Variants in ANTXR2 observed in about 807,000 individuals in gnomAD.
ANTXR2 encodes the protein ANTXR cell adhesion molecule 2.
A neutral mutation model predicts 73.7 loss-of-function variants in ANTXR2; 44 were observed. That is an observed-to-expected ratio of 0.60 (90% CI 0.47 to 0.77). ANTXR2 has a LOEUF of 0.77. ANTXR2 is among the 30% of genes least tolerant of loss of function. ANTXR2 has a pLI of 0.00. For synonymous variants in ANTXR2, 217 were observed against 205.9 expected, an observed-to-expected ratio of 1.05 and a Z score of -0.46; for missense variants, 604 against 592.5, an observed-to-expected ratio of 1.02 and a Z score of -0.20.
At chr4:79,957,288 T>C (rs990652945) in intron 16 of ANTXR2, among the ~76,000 whole-genome samples, 1 of 152,106 alleles carries the variant, frequency 6.6e-6, no homozygotes, top group African/African-American at 2.4e-5. Flanking sequence ...CCTTAATGCC[T>C]GCAGATTTTT....
chr4:79,963,317 T>C (rs145019193), intron 16 of ANTXR2, among the ~76,000 whole-genome samples: 1 of 152,162 alleles, frequency 6.6e-6, no homozygotes, highest in African/African-American at 2.4e-5. Context: ...ATCAGGATTC[T>C]CGGGTCCCTT....
At chr4:79,937,177 A>T (rs1728297599) in intron 16 of ANTXR2, among the ~76,000 whole-genome samples, 1 of 152,158 alleles carries the variant, frequency 6.6e-6, no homozygotes, top group Non-Finnish European at 1.5e-5. Context: ...CAGTAGCATT[A>T]AAAAAACCAG....
intron 16 of ANTXR2, among the ~76,000 whole-genome samples, chr4:79,918,446 T>C (rs545936968): frequency 6.7e-6 from 1 of 149,844 alleles, no homozygotes; most frequent in African/African-American, 2.4e-5. Context: ...AAAGCATAAC[T>C]CTTTCCCCTT....
intron 16 of ANTXR2, among the ~76,000 whole-genome samples, chr4:79,910,538 A>G (rs1727092456): frequency 6.6e-6 from 1 of 151,736 alleles, no homozygotes; most frequent in Non-Finnish European, 1.5e-5. Flanking sequence ...AAAAGAAAAA[A>G]AAAAAGAAAA....
intron 7 of ANTXR2, among the ~76,000 whole-genome samples, chr4:80,052,856 C>T (rs919812184): frequency 6.6e-6 from 1 of 151,502 alleles, no homozygotes; most frequent in Non-Finnish European, 1.5e-5. Flanking sequence ...ACAATGATAA[C>T]GATGTCATCT....
chr4:80,013,500 G>A (rs1172192546), intron 11 of ANTXR2, among the ~76,000 whole-genome samples: 1 of 152,176 alleles, frequency 6.6e-6, no homozygotes, highest in African/African-American at 2.4e-5. Flanking sequence ...TTTTAACAAG[G>A]ACTAACCAAT....
intron 12 of ANTXR2, among the ~76,000 whole-genome samples, chr4:79,986,878 G>A (rs1357673585): frequency 1.3e-5 from 2 of 152,182 alleles, no homozygotes; most frequent in East Asian, 3.9e-4. Flanking sequence ...GCTCAGGAGT[G>A]CTAAGCTGAG....
intron 16 of ANTXR2, among the ~76,000 whole-genome samples, chr4:79,924,457 C>G (rs2109949476): frequency 6.6e-6 from 1 of 152,120 alleles, no homozygotes; most frequent in South Asian, 2.1e-4. Flanking sequence ...CACCACTGCA[C>G]TACAGCCTGG....
intron 16 of ANTXR2, among the ~76,000 whole-genome samples, chr4:79,931,444 G>C (rs948637414): frequency 1.7e-5 from 2 of 116,880 alleles, no homozygotes; most frequent in Admixed American, 8.9e-5. Flanking sequence ...GGATTTCCTC[G>C]CTTCTTCTCT....
chr4:79,984,749 T>C (rs1358561062), intron 13 of ANTXR2, 70 bp downstream of exon 13: 1 of 1,324,032 alleles, frequency 7.6e-7, no homozygotes, highest in South Asian at 1.3e-5. Flanking sequence ...CAAAATTGAT[T>C]AAATTTGGGC....
Position 79,907,380 on chromosome 4 carries a change from A to G in ANTXR2, c.*49T>C. 2 of 1,571,412 alleles carry G rather than the reference A, an allele frequency of 1.3e-6. No individual in the cohort carries two copies. The highest frequency in any genetic ancestry group is 1.7e-6 in the Non-Finnish European group (2 of 1,144,712). On this transcript the variant is annotated 3_prime_UTR_variant, in exon 17 of 17. Coordinates refer to ENST00000403729, the MANE Select transcript of ANTXR2 (RefSeq NM_058172.6). ...TTTTTCATTTGGTTGAAAATCAGCT[A>G]TGTGAAAATGTGCCATCTTCGTACC...
chr4:79,921,730 G>A (rs987768985), intron 16 of ANTXR2, among the ~76,000 whole-genome samples: 3 of 138,338 alleles, frequency 2.2e-5, no homozygotes, highest in African/African-American at 8.1e-5. Flanking sequence ...TAGTTACTGT[G>A]ATGTTGTGTT....
chr4:80,022,675 G>A (rs1227218392), intron 10 of ANTXR2, among the ~76,000 whole-genome samples: 3 of 152,106 alleles, frequency 2.0e-5, no homozygotes, highest in African/African-American at 7.2e-5. Flanking sequence ...GAAGCCATAC[G>A]CTCAGTAACA....
At chr4:80,005,351 C>T (rs1731252664) in intron 12 of ANTXR2, among the ~76,000 whole-genome samples, 1 of 152,078 alleles carries the variant, frequency 6.6e-6, no homozygotes, top group African/African-American at 2.4e-5. Flanking sequence ...GAAATTTGCA[C>T]AACACCACGC....
chr4:80,044,407 C>T (rs1272187673), intron 7 of ANTXR2, among the ~76,000 whole-genome samples: 1 of 151,832 alleles, frequency 6.6e-6, no homozygotes, highest in Non-Finnish European at 1.5e-5. Flanking sequence ...GAAAAACATA[C>T]ACAATGGATA....
intron 12 of ANTXR2, among the ~76,000 whole-genome samples, chr4:79,987,868 T>C (rs970573607): frequency 2.6e-5 from 4 of 151,992 alleles, no homozygotes; most frequent in East Asian, 1.9e-4. Context: ...CCAACCAAAC[T>C]AAGCTTCATA....
chr4:80,054,726 T>C (rs779182704), intron 6 of ANTXR2, among the ~76,000 whole-genome samples: 9 of 151,562 alleles, frequency 5.9e-5, no homozygotes, highest in Non-Finnish European at 1.3e-4. Flanking sequence ...TCAAATCTCA[T>C]GAAAAAAATG....
intron 11 of ANTXR2, among the ~76,000 whole-genome samples, chr4:80,009,414 C>T (rs113131922): frequency 0.016 from 2,408 of 152,260 alleles, 36 homozygotes; most frequent in Non-Finnish European, 0.022. Context: ...ATCTTTAGTA[C>T]TTATCACGAT....
At chr4:80,058,865 T>C (rs1734120466) in intron 3 of ANTXR2, among the ~76,000 whole-genome samples, 2 of 152,120 alleles carry the variant, frequency 1.3e-5, no homozygotes, top group Admixed American at 6.6e-5. Flanking sequence ...AACTACTTTG[T>C]ATTTGTTGTG....
Sources: gnomAD v4.1 joint callset for allele counts (sites outside exome capture counted in the v4.1 genomes callset) on GRCh38, gnomAD v4.1.1 for gene constraint, MANE v1.5 for transcripts, NCBI Gene and HGNC (gene_info 2026-07-23, HGNC 2026-07-21) for gene names.